The following DPP10 variants were observed in gnomAD, a reference collection of about 807,000 sequenced individuals.
DPP10 encodes the protein inactive dipeptidyl peptidase 10.
Under a neutral mutation model 120.9 loss-of-function variants are expected in DPP10, and 33 were observed. The observed-to-expected ratio is 0.27, with a 90% confidence interval of 0.21 to 0.37. The LOEUF (loss-of-function observed/expected upper bound fraction) is 0.37. Among genes scored for constraint, DPP10 ranks in the 10% least tolerant of loss-of-function variants. The probability of loss-of-function intolerance (pLI) is 1.00; values close to 1 mark genes in which losing one functional copy is unlikely to be tolerated. For missense variants in DPP10, 816 were observed against 942.8 expected (o/e 0.87, Z 1.76); for synonymous variants, 337 against 326.1 (o/e 1.03, Z -0.36).
In DPP10 at chr2:115,843,540, A is replaced by G. The variant is rs1188956095; in HGVS notation, c.*1195A>G. 3 of 152,208 alleles carry G rather than the reference A, an allele frequency of 2.0e-5. No homozygotes were observed. Among genetic ancestry groups the G allele is most frequent in the African/African-American group, 7.2e-5 (3 of 41,448 alleles). 9.4% of individuals were successfully genotyped at this position (152,208 alleles called of 1,614,324 possible). ...TTTAATTTCAATTCTTCTGGTGAGA[A>G]TTAGAAATGAAATATTTTTTATTCA... is the stretch of plus-strand genomic sequence containing the variant. On this transcript the variant is annotated 3_prime_UTR_variant, in exon 26 of 26. Transcript: ENST00000410059.
chr2:115,266,114 G>A (rs2059450500), intron 1 of DPP10, among the ~76,000 whole-genome samples: 1 of 152,098 alleles, frequency 6.6e-6, no homozygotes, highest in Non-Finnish European at 1.5e-5. Flanking sequence ...ATGGTTATCA[G>A]CAAGACATAT....
intron 1 of DPP10, among the ~76,000 whole-genome samples, chr2:114,524,482 C>A (rs1003966313): frequency 6.6e-6 from 1 of 152,180 alleles, no homozygotes; most frequent in Admixed American, 6.5e-5. Flanking sequence ...CTTTGAAAAT[C>A]ACACCCAAAA....
At chr2:115,052,241 C>T (rs979890311) in intron 1 of DPP10, among the ~76,000 whole-genome samples, 10 of 151,972 alleles carry the variant, frequency 6.6e-5, no homozygotes, top group South Asian at 2.1e-4. Flanking sequence ...AGAAAATATA[C>T]GTGCAAATTT....
At chr2:114,717,899 A>G (rs1329505057) in intron 1 of DPP10, among the ~76,000 whole-genome samples, 1 of 152,202 alleles carries the variant, frequency 6.6e-6, no homozygotes, top group African/African-American at 2.4e-5. Flanking sequence ...TCTTATATAC[A>G]TATCTCACAC....
chr2:114,848,872 A>G (rs777266737), intron 1 of DPP10, among the ~76,000 whole-genome samples: 7 of 152,176 alleles, frequency 4.6e-5, no homozygotes, highest in Non-Finnish European at 1.0e-4. Context: ...TTTATTTCTC[A>G]CAGTTCTGGA....
rs1350208788 is a variant in DPP10, at chr2:115,836,203, A to T, written c.1997A>T (p.Lys666Met). Residue 666 changes from lysine (K) to methionine (M), a missense_variant, in exon 22 of 26, where the codon AAG becomes ATG. This residue lies in a region of DPP10 where 592 missense variants were observed against 649.0 expected (regional missense o/e 0.91). Transcript: ENST00000410059. ...TCAATGATCTTAAAATCAGATGAAA[A>T]GCTTTTTAAATGTGGATCCGTGGTT... ...IASMILKSDE[K>M]LFKCGSVVAP... is the part of the protein sequence containing the mutation. 6.2e-7 allele frequency: 1 copy of T among 1,608,146 alleles called. No individual in the cohort carries two copies. The highest frequency in any genetic ancestry group is 1.7e-5 in the Admixed American group (1 of 58,740).
intron 1 of DPP10, among the ~76,000 whole-genome samples, chr2:115,253,289 A>G (rs1438451576): frequency 6.6e-6 from 1 of 152,154 alleles, no homozygotes; most frequent in Non-Finnish European, 1.5e-5. Context: ...AACACTGGGG[A>G]TTACATCTGC....
At chr2:114,985,451 C>G (rs998117127) in intron 1 of DPP10, among the ~76,000 whole-genome samples, 3 of 152,184 alleles carry the variant, frequency 2.0e-5, no homozygotes, top group African/African-American at 7.2e-5. Flanking sequence ...ATTGTCTGCT[C>G]CAGTAGACTG....
intron 1 of DPP10, among the ~76,000 whole-genome samples, chr2:114,933,796 A>G (rs143827101): frequency 1.5e-3 from 235 of 152,304 alleles, no homozygotes; most frequent in African/African-American, 5.5e-3. Flanking sequence ...CCCTACCCAC[A>G]GAATTTCTGA....
chr2:115,331,085 G>A (rs1308993919), intron 2 of DPP10, among the ~76,000 whole-genome samples: 3 of 151,978 alleles, frequency 2.0e-5, no homozygotes, highest in East Asian at 3.9e-4. Flanking sequence ...ATTTTTTTGT[G>A]TCCTCTTTTA....
At chr2:115,164,600 A>G (rs542941329) in intron 1 of DPP10, among the ~76,000 whole-genome samples, 13 of 152,316 alleles carry the variant, frequency 8.5e-5, no homozygotes, top group African/African-American at 1.9e-4. Context: ...TCTAGTTTCT[A>G]TGGTGAAGAT....
intron 1 of DPP10, chr2:115,161,861 A>G (rs1573839749): frequency 5.0e-6 from 4 of 794,950 alleles, no homozygotes; most frequent in South Asian, 4.6e-5. Context: ...CGATTCCGGG[A>G]GCGACGGGCG....
intron 1 of DPP10, among the ~76,000 whole-genome samples, chr2:115,027,223 A>G (rs1332416448): frequency 1.3e-5 from 2 of 152,128 alleles, no homozygotes; most frequent in Admixed American, 1.3e-4. Flanking sequence ...TATTGATTCC[A>G]ATGACTATTT....
intron 3 of DPP10, among the ~76,000 whole-genome samples, chr2:115,476,100 C>T (rs992714970): frequency 6.6e-6 from 1 of 151,964 alleles, no homozygotes; most frequent in Non-Finnish European, 1.5e-5. Flanking sequence ...TGGAAGGTGC[C>T]AGGGGTTGAA....
At chr2:115,313,020 G>A (rs1162629575) in intron 2 of DPP10, among the ~76,000 whole-genome samples, 5 of 152,016 alleles carry the variant, frequency 3.3e-5, no homozygotes, top group Non-Finnish European at 5.9e-5. Context: ...TCTGGAGTTC[G>A]AGACCATCCT....
rs376247222 is a variant in DPP10 at position 114,631,142 on chromosome 2, T to C, written c.60+188304T>C. ...AGATGGGAGGTGGGGAAGGAGATTC[T>C]GGAGTTGTTTTAAAGGGGGTGAGAA... On this transcript the variant is annotated intron_variant, in intron 1 of 25. Transcript: ENST00000410059. 3.9e-5 allele frequency among the ~76,000 whole-genome samples: 6 copies of C among 152,280 alleles called. No homozygotes were observed. The East Asian group carries it at 1.2e-3, about 29-fold the overall frequency.
chr2:114,708,977 A>G (rs1175137521), intron 1 of DPP10, among the ~76,000 whole-genome samples: 2 of 152,172 alleles, frequency 1.3e-5, no homozygotes, highest in African/African-American at 4.8e-5. Flanking sequence ...GCTGATCTCG[A>G]ACTCCTGGCC....
chr2:115,706,943 C>T (rs1042622239), intron 7 of DPP10, among the ~76,000 whole-genome samples: 20 of 151,868 alleles, frequency 1.3e-4, no homozygotes, highest in African/African-American at 4.6e-4. Flanking sequence ...AGGAGCTCTC[C>T]GCTTGCTCTC....
At chr2:115,804,381 C>T (rs1172376834) in intron 19 of DPP10, among the ~76,000 whole-genome samples, 1 of 152,102 alleles carries the variant, frequency 6.6e-6, no homozygotes, top group Non-Finnish European at 1.5e-5. Flanking sequence ...TTCGAACTTC[C>T]TCCTTTAGCT....
Sources: gnomAD v4.1 joint callset for allele counts (sites outside exome capture counted in the v4.1 genomes callset) on GRCh38, gnomAD v4.1.1 for gene constraint, gnomAD v4.1.1 regional missense constraint, MANE v1.5 for transcripts, NCBI Gene and HGNC (gene_info 2026-07-23, HGNC 2026-07-21) for gene names.